The following SYN3 variants were observed in gnomAD, a reference collection of about 807,000 sequenced individuals.
The protein encoded by SYN3 is synapsin-3.
SYN3 carries 35 observed loss-of-function variants against 65.8 expected under a neutral mutation model. That is an observed-to-expected ratio of 0.53 (90% confidence interval 0.41 to 0.70). The LOEUF (loss-of-function observed/expected upper bound fraction) is 0.70. SYN3 is among the 30% of genes least tolerant of loss of function. The probability of loss-of-function intolerance (pLI) is 0.00; values close to 1 mark genes in which losing one functional copy is unlikely to be tolerated. For missense variants in SYN3, 680 were observed against 749.0 expected, an observed-to-expected ratio of 0.91 and a Z score of 1.08; for synonymous variants, 270 against 292.9, an observed-to-expected ratio of 0.92 and a Z score of 0.80.
chr22:33,025,442 A>G (rs902490455), intron 1 of SYN3, among the ~76,000 whole-genome samples: 7 of 150,756 alleles, frequency 4.6e-5, no homozygotes, highest in African/African-American at 1.7e-4. Flanking sequence ...TCAAAAAAAA[A>G]AAAAAAAAAA....
intron 6 of SYN3, among the ~76,000 whole-genome samples, chr22:32,814,332 A>G (rs1044783871): frequency 6.7e-6 from 1 of 148,312 alleles, no homozygotes; most frequent in Non-Finnish European, 1.5e-5. Context: ...AGAAAGAAAG[A>G]AAGAAAGAGA....
intron 2 of SYN3, among the ~76,000 whole-genome samples, chr22:32,995,322 G>A (rs1456778118): frequency 1.3e-5 from 2 of 152,180 alleles, no homozygotes; most frequent in African/African-American, 4.8e-5. Context: ...TAAAATCCAG[G>A]ACATCCAAAT....
At chr22:32,983,711 G>T (rs997691995) in intron 2 of SYN3, among the ~76,000 whole-genome samples, 1 of 152,004 alleles carries the variant, frequency 6.6e-6, no homozygotes, top group African/African-American at 2.4e-5. Context: ...GAATTTTATC[G>T]TAATCCTTAA....
intron 3 of SYN3, among the ~76,000 whole-genome samples, chr22:32,979,985 C>T (rs2052325632): frequency 6.6e-6 from 1 of 152,122 alleles, no homozygotes; most frequent in Admixed American, 6.5e-5. Context: ...CAGGAGAAAG[C>T]TTTGATCTGG....
chr22:32,572,408 TGTCTTTCCTTCCTTC>T (rs2058782404), intron 7 of SYN3, among the ~76,000 whole-genome samples: 1 of 9,124 alleles, frequency 1.1e-4, no homozygotes, highest in Admixed American at 1.2e-3. Context: ...CCCTCCCTCC[TGTCTTTCCTTCCTTC>T]TTCCTTCCTT....
chr22:32,704,590 G>T (rs1330732662), intron 6 of SYN3, among the ~76,000 whole-genome samples: 1 of 152,164 alleles, frequency 6.6e-6, no homozygotes, highest in Non-Finnish European at 1.5e-5. Context: ...CCCAATAATG[G>T]GATTGTGGGG....
chr22:32,599,295 C>T (rs2858729), intron 6 of SYN3, among the ~76,000 whole-genome samples: 76,314 of 151,414 alleles, frequency 0.5, 22,961 homozygotes, highest in African/African-American at 0.84. Context: ...AAATAAAACA[C>T]TGCTTAGACA....
intron 6 of SYN3, among the ~76,000 whole-genome samples, chr22:32,832,408 A>G (rs1169030155): frequency 6.6e-6 from 1 of 152,198 alleles, no homozygotes; most frequent in Non-Finnish European, 1.5e-5. Context: ...ATAAAAAACA[A>G]GGGCTCCAGG....
intron 7 of SYN3, among the ~76,000 whole-genome samples, chr22:32,542,173 G>A (rs2058266525): frequency 6.6e-6 from 1 of 152,224 alleles, no homozygotes; most frequent in Admixed American, 6.5e-5. Context: ...CACTGGAAGA[G>A]GGAGTGGAGT....
intron 6 of SYN3, among the ~76,000 whole-genome samples, chr22:32,695,847 T>C (rs993779893): frequency 2.6e-5 from 4 of 151,948 alleles, no homozygotes; most frequent in East Asian, 1.9e-4. Context: ...CCTTTTTTTT[T>C]CTCCAATAAA....
At chr22:33,022,142 T>G (rs2053571313) in intron 1 of SYN3, among the ~76,000 whole-genome samples, 1 of 152,238 alleles carries the variant, frequency 6.6e-6, no homozygotes, top group African/African-American at 2.4e-5. Context: ...GGCTTATAAA[T>G]TCTCCACTCG....
chr22:32,961,731 G>A (rs535224110), intron 3 of SYN3, among the ~76,000 whole-genome samples: 5 of 152,380 alleles, frequency 3.3e-5, no homozygotes, highest in East Asian at 3.9e-4. Context: ...TCATTGAACA[G>A]CGGAGGGCCG....
At chr22:32,656,099 T>C (rs2060139058) in intron 6 of SYN3, among the ~76,000 whole-genome samples, 1 of 152,216 alleles carries the variant, frequency 6.6e-6, no homozygotes, top group Non-Finnish European at 1.5e-5. Context: ...AACCAGTAAG[T>C]GTCCTTCCTT....
At chr22:33,029,992 T>C (rs1334767115) in intron 1 of SYN3, among the ~76,000 whole-genome samples, 2 of 152,224 alleles carry the variant, frequency 1.3e-5, no homozygotes, top group Non-Finnish European at 2.9e-5. Context: ...TTGGCTGTTT[T>C]TGACTCATCC....
At chr22:32,652,573 A>G (rs1177964454) in intron 6 of SYN3, among the ~76,000 whole-genome samples, 1 of 152,120 alleles carries the variant, frequency 6.6e-6, no homozygotes, top group African/African-American at 2.4e-5. Flanking sequence ...ATCTAATTTT[A>G]CTAAAGGGAA....
At position 32,679,839 on chromosome 22, in the gene SYN3, C is replaced by CTTTTTTTTTTTTTTTTTTTT. The variant is rs747116076; in HGVS notation, c.712-83104_712-83103insAAAAAAAAAAAAAAAAAAAA. ...AAACTGGGTGAGGTTTGTTTTTTGG[C>CTTTTTTTTTTTTTTTTTTTT]TTTTTTTTTTTTTTTTTTTGCTATT... On this transcript the variant is annotated intron_variant, in intron 6 of 13. Coordinates refer to ENST00000358763, the MANE Select transcript of SYN3 (RefSeq NM_003490.4). Among the ~76,000 whole-genome samples, 189 of 39,122 alleles carry CTTTTTTTTTTTTTTTTTTTT rather than the reference C, an allele frequency of 4.8e-3. 28 individuals carry two copies. Among genetic ancestry groups the CTTTTTTTTTTTTTTTTTTTT allele is most frequent in the Admixed American group, 5.9e-3 (14 of 2,354 alleles). The allele number at this position is 39,122 out of a possible 152,430, so 25.7% of individuals were successfully genotyped here.
At chr22:33,020,236 T>A (rs546600999) in intron 1 of SYN3, among the ~76,000 whole-genome samples, 6 of 152,282 alleles carry the variant, frequency 3.9e-5, no homozygotes, top group African/African-American at 1.4e-4. Context: ...ATAGACCCAA[T>A]CCTAGGAAAA....
chr22:32,698,920 G>A (rs2147190503), intron 6 of SYN3, among the ~76,000 whole-genome samples: 1 of 152,228 alleles, frequency 6.6e-6, no homozygotes, highest in South Asian at 2.1e-4. Flanking sequence ...CAGGATGGGG[G>A]GGTGACACAT....
At chr22:33,008,639 C>T (rs1441043641) in intron 1 of SYN3, among the ~76,000 whole-genome samples, 1 of 152,118 alleles carries the variant, frequency 6.6e-6, no homozygotes, top group South Asian at 2.1e-4. Context: ...TGAGGTCAGG[C>T]ATGGTGGCTC....
Sources: allele counts gnomAD v4.1 joint callset (sites outside exome capture counted in the v4.1 genomes callset), GRCh38; gene constraint gnomAD v4.1.1; transcripts MANE v1.5; gene names NCBI Gene and HGNC (gene_info 2026-07-23, HGNC 2026-07-21).